Variants in CAMK4 observed in about 807,000 individuals in gnomAD.
CAMK4 encodes calcium/calmodulin-dependent protein kinase type IV.
CAMK4 carries 22 observed loss-of-function variants against 44.9 expected under a neutral mutation model. The ratio of observed to expected loss-of-function variants is 0.49; its 90% CI spans 0.35 to 0.70. The LOEUF (loss-of-function observed/expected upper bound fraction) is 0.70. CAMK4 is among the 30% of genes least tolerant of loss of function. The pLI is 0.01. For missense variants in CAMK4, 498 were observed against 586.8 expected (o/e 0.85, Z 1.56); for synonymous variants, 218 against 215.4 (o/e 1.01, Z -0.11).
At chr5:111,242,052 A>G (rs1014137698) in intron 1 of CAMK4, among the ~76,000 whole-genome samples, 1 of 152,220 alleles carries the variant, frequency 6.6e-6, no homozygotes, top group South Asian at 2.1e-4. Flanking sequence ...CAACTTTGAC[A>G]CAGGCTATTC....
chr5:111,332,604 A>G (rs1418773804), intron 1 of CAMK4, among the ~76,000 whole-genome samples: 2 of 151,520 alleles, frequency 1.3e-5, no homozygotes, highest in Non-Finnish European at 3.0e-5. Flanking sequence ...GTTCGCTGCA[A>G]TGAAATAACT....
rs1029633514 is a variant in CAMK4 at position 111,485,210 on chromosome 5, G to A, written c.*744G>A. 3.3e-5 allele frequency: 5 copies of A among 152,136 alleles called. No homozygotes were observed. Among genetic ancestry groups the A allele is most frequent in the Non-Finnish European group, 5.9e-5 (4 of 68,016 alleles). 9.4% of individuals were successfully genotyped at this position (152,136 alleles called of 1,614,324 possible). On this transcript the variant is annotated 3_prime_UTR_variant, in exon 11 of 11. Transcript: ENST00000282356. The stretch of plus-strand genomic sequence containing the variant: ...TCCTTCACCTGCTCTCCAATAAGAT[G>A]ACTTTCTGATAGACAAAGCTTAGGG...
At chr5:111,442,452 G>T (rs990562238) in intron 5 of CAMK4, among the ~76,000 whole-genome samples, 3 of 151,422 alleles carry the variant, frequency 2.0e-5, no homozygotes, top group Non-Finnish European at 4.4e-5. Context: ...AGCCAAGATC[G>T]CACCACTGCA....
intron 4 of CAMK4, among the ~76,000 whole-genome samples, chr5:111,377,207 AAGAT>A (rs1751244750): frequency 6.6e-6 from 1 of 152,132 alleles, no homozygotes; most frequent in Admixed American, 6.6e-5. Flanking sequence ...CCTCAATAAA[AAGAT>A]AGAATGTCTA....
At chr5:111,316,738 G>A (rs1306906288) in intron 1 of CAMK4, among the ~76,000 whole-genome samples, 2 of 152,094 alleles carry the variant, frequency 1.3e-5, no homozygotes, top group Non-Finnish European at 2.9e-5. Flanking sequence ...GTACCTCAGT[G>A]CTTTTCTGGC....
At chr5:111,419,890 T>G (rs564075490) in intron 5 of CAMK4, among the ~76,000 whole-genome samples, 78 of 152,318 alleles carry the variant, frequency 5.1e-4, no homozygotes, top group African/African-American at 1.8e-3. Context: ...TGCCTACGGC[T>G]TTGTTCTTTT....
intron 1 of CAMK4, among the ~76,000 whole-genome samples, chr5:111,225,893 C>T (rs1748166602): frequency 6.6e-6 from 1 of 152,102 alleles, no homozygotes; most frequent in Admixed American, 6.5e-5. Context: ...CATAAACATC[C>T]ATTTTTGATC....
chr5:111,331,853 T>G (rs1749180030), intron 1 of CAMK4, among the ~76,000 whole-genome samples: 2 of 151,718 alleles, frequency 1.3e-5, no homozygotes, highest in African/African-American at 4.8e-5. Flanking sequence ...TTAGCCTACT[T>G]TGAAAATTAT....
rs538357753 is a variant in CAMK4 at position 111,415,618 on chromosome 5, A to C, written c.459+20836A>C. On this transcript the variant is annotated intron_variant, in intron 5 of 10. Coordinates refer to ENST00000282356, the MANE Select transcript of CAMK4 (RefSeq NM_001744.6). ...TTCAGTATTATCCATGGTTTCAGGCATCTACTGGAGGTCTTAGAATGTATT... is the reference window on the plus strand; with the variant it reads ...TTCAGTATTATCCATGGTTTCAGGCCTCTACTGGAGGTCTTAGAATGTATT... 2.6e-5 allele frequency among the ~76,000 whole-genome samples: 4 copies of C among 152,322 alleles called. No homozygotes were observed. In the South Asian group the frequency reaches 8.3e-4, roughly 32 times the overall value.
At chr5:111,310,375 A>C (rs1280119127) in intron 1 of CAMK4, among the ~76,000 whole-genome samples, 1 of 152,214 alleles carries the variant, frequency 6.6e-6, no homozygotes, top group East Asian at 1.9e-4. Flanking sequence ...CATCGTGAGT[A>C]AGACGTCAGG....
At chr5:111,325,218 A>G (rs1029973465) in intron 1 of CAMK4, among the ~76,000 whole-genome samples, 1 of 151,946 alleles carries the variant, frequency 6.6e-6, no homozygotes, top group African/African-American at 2.4e-5. Flanking sequence ...TGTGGTATAT[A>G]TATATTTATA....
intron 2 of CAMK4, among the ~76,000 whole-genome samples, chr5:111,363,305 C>G (rs1003309121): frequency 6.6e-6 from 1 of 152,074 alleles, no homozygotes; most frequent in Non-Finnish European, 1.5e-5. Flanking sequence ...CAATTCTAAT[C>G]TCATCTAACT....
chr5:111,332,442 A>G (rs977206405), intron 1 of CAMK4, among the ~76,000 whole-genome samples: 5 of 151,112 alleles, frequency 3.3e-5, no homozygotes, highest in Non-Finnish European at 5.9e-5. Flanking sequence ...GTATTCCACG[A>G]TGTATATGTG....
chr5:111,492,161 T>C lies in CAMK4; in HGVS notation c.*7695T>C, dbSNP rs1755866051. 1 of 152,052 alleles carries C rather than the reference T, an allele frequency of 6.6e-6. No individual in the cohort carries two copies. Among genetic ancestry groups the C allele is most frequent in the South Asian group, 2.1e-4 (1 of 4,814 alleles). The allele number at this position is 152,052 out of a possible 1,614,324, so 9.4% of individuals were successfully genotyped here. A position where few individuals can be genotyped will look rare whatever the true frequency, so the allele number is the denominator to read the frequency against. On this transcript the variant is annotated 3_prime_UTR_variant, in exon 11 of 11. Coordinates refer to ENST00000282356, the MANE Select transcript of CAMK4 (RefSeq NM_001744.6). ...TTAAGGGAAGCTAGTGACCGAGATA[T>C]GGAGAAAAACATAGGCATTCATGAC...
At chr5:111,238,193 G>C (rs1748818989) in intron 1 of CAMK4, among the ~76,000 whole-genome samples, 1 of 152,210 alleles carries the variant, frequency 6.6e-6, no homozygotes, top group African/African-American at 2.4e-5. Flanking sequence ...GTCCCCTCCT[G>C]ATTTCTCCCT....
intron 2 of CAMK4, among the ~76,000 whole-genome samples, chr5:111,346,865 G>A (rs1749894483): frequency 7.6e-6 from 1 of 130,776 alleles, no homozygotes; most frequent in African/African-American, 2.8e-5. Flanking sequence ...ACCAGGACTT[G>A]TAGTGAGAGA....
intron 2 of CAMK4, among the ~76,000 whole-genome samples, chr5:111,349,138 T>C (rs920012068): frequency 2.0e-5 from 3 of 152,022 alleles, no homozygotes; most frequent in African/African-American, 7.2e-5. Context: ...ATTCTTGTAC[T>C]GAAGAAGTCA....
chr5:111,249,148 A>G (rs1749368149), intron 1 of CAMK4, among the ~76,000 whole-genome samples: 1 of 152,204 alleles, frequency 6.6e-6, no homozygotes, highest in African/African-American at 2.4e-5. Flanking sequence ...TGTGTGTGCA[A>G]GCATGAAAAA....
intron 1 of CAMK4, among the ~76,000 whole-genome samples, chr5:111,276,870 C>T (rs374324856): frequency 1.3e-5 from 2 of 152,236 alleles, no homozygotes; most frequent in Admixed American, 1.3e-4. Context: ...ATGATCTTGA[C>T]CATCTTTCCA....
Sources: gnomAD v4.1 joint callset for allele counts (sites outside exome capture counted in the v4.1 genomes callset) on GRCh38, gnomAD v4.1.1 for gene constraint, MANE v1.5 for transcripts, NCBI Gene and HGNC (gene_info 2026-07-23, HGNC 2026-07-21) for gene names.